Variants in FLT1 observed in about 807,000 individuals in gnomAD.
FLT1 encodes the protein fms related receptor tyrosine kinase 1, also known as vascular endothelial growth factor receptor 1.
FLT1 carries 49 observed loss-of-function variants against 156.3 expected under a neutral mutation model. The ratio of observed to expected loss-of-function variants is 0.31; its 90% confidence interval spans 0.25 to 0.40. FLT1 has a LOEUF of 0.40. FLT1 is among the 10% of genes least tolerant of loss of function. The pLI is 1.00. For synonymous variants in FLT1, 594 were observed against 583.8 expected, an observed-to-expected ratio of 1.02 and a Z score of -0.25; for missense variants, 1,322 against 1,637.2, an observed-to-expected ratio of 0.81 and a Z score of 3.32.
At chr13:28,321,698 G>T in intron 22 of FLT1, 113 bp from the exon 23 acceptor site, 15 of 1,063,948 alleles carry the variant, frequency 1.4e-5, no homozygotes, top group Non-Finnish European at 2.2e-5. Flanking sequence ...TGCTGTGAAG[G>T]GAGCACCTCT....
intron 12 of FLT1, among the ~76,000 whole-genome samples, chr13:28,393,219 T>C (rs1318565286): frequency 2.6e-5 from 4 of 152,170 alleles, no homozygotes; most frequent in African/African-American, 9.7e-5. Flanking sequence ...AGAAGAGGCA[T>C]TCAACCCAGG....
At chr13:28,458,141 C>T (rs1456544733) in intron 3 of FLT1, among the ~76,000 whole-genome samples, 2 of 151,836 alleles carry the variant, frequency 1.3e-5, no homozygotes, top group African/African-American at 4.8e-5. Flanking sequence ...TTCACCATGT[C>T]CGTCAGGCTG....
intron 16 of FLT1, among the ~76,000 whole-genome samples, chr13:28,343,645 CT>C (rs562106493): frequency 0.02 from 2,941 of 143,510 alleles, 53 homozygotes; most frequent in African/African-American, 0.045. Context: ...TTTTTTCTTT[CT>C]TTTTTTTTTT....
chr13:28,465,613 C>A (rs1879805829), intron 3 of FLT1, among the ~76,000 whole-genome samples: 2 of 152,170 alleles, frequency 1.3e-5, no homozygotes, highest in African/African-American at 4.8e-5. Flanking sequence ...GAGGCCGAGG[C>A]AGGTGGATCA....
chr13:28,425,698 T>C (rs1353505731), intron 10 of FLT1, among the ~76,000 whole-genome samples: 1 of 152,182 alleles, frequency 6.6e-6, no homozygotes, highest in Non-Finnish European at 1.5e-5. Context: ...ACTCTACACT[T>C]TTATCCGAAT....
chr13:28,390,191 C>T, intron 12 of FLT1, 87 bp from the exon 13 acceptor site: 3 of 1,536,624 alleles, frequency 2.0e-6, no homozygotes, highest in Non-Finnish European at 2.7e-6. Context: ...ATTGTTCGTG[C>T]ACAAATTATC....
In FLT1 at chr13:28,316,616, C is replaced by T. The variant is rs1196465153; in HGVS notation, c.3386+882G>A. On this transcript the variant is annotated intron_variant, in intron 25 of 29. Coordinates refer to ENST00000282397, the MANE Select transcript of FLT1 (RefSeq NM_002019.4). The stretch of plus-strand genomic sequence containing the variant: ...CTGACCAGGCAGCTTCAGACAGCTG[C>T]TGGGCCTATTCCTAAAAGGTTCTTT... 3.3e-5 allele frequency among the ~76,000 whole-genome samples: 5 copies of T among 151,676 alleles called. 1 individual carries two copies. Among genetic ancestry groups the T allele is most frequent in the Admixed American group, 1.3e-4 (2 of 15,236 alleles).
At position 28,486,675 on chromosome 13, in the gene FLT1, C is replaced by A. The variant is rs373819123; in HGVS notation, c.64+8105G>T. Among the ~76,000 whole-genome samples the A allele has an allele frequency of 2.6e-5, 4 of 152,352 alleles. No homozygotes were observed. The East Asian group carries it at 5.8e-4, about 22-fold the overall frequency. Reference sequence around the variant, plus strand: ...TACCTCACTCGGCAAAACAGTCCCCCTCTCCTCAGAAGGCAATTTAATCTA... The same window carrying A: ...TACCTCACTCGGCAAAACAGTCCCCATCTCCTCAGAAGGCAATTTAATCTA... On this transcript the variant is annotated intron_variant, in intron 1 of 29. Transcript: ENST00000282397.
chr13:28,467,563 T>C lies in FLT1; in HGVS notation c.119A>G (p.Gln40Arg), dbSNP rs1331970004. The C allele has an allele frequency of 6.2e-7, 1 of 1,611,714 alleles. No homozygotes were observed. The highest frequency in any genetic ancestry group is 2.2e-5 in the East Asian group (1 of 44,880). ...TGTCTGGCCTGCTTGCATGATGTGC[T>C]GGGTGCCTTTTAAACTCAGTTCAGG... Reference protein sequence around the residue: ...KDPELSLKGTQHIMQAGQTLH... With the variant: ...KDPELSLKGTRHIMQAGQTLH... Residue 40 changes from glutamine to arginine, a missense_variant, in exon 2 of 30, where the codon CAG becomes CGG. This residue lies in a region of FLT1 where 991 missense variants were observed against 1,254.8 expected (regional missense o/e 0.79). Transcript: ENST00000282397.
intron 12 of FLT1, 96 bp from the exon 13 acceptor site, chr13:28,390,200 T>G: frequency 6.6e-7 from 1 of 1,515,330 alleles, no homozygotes; most frequent in Non-Finnish European, 9.0e-7. Flanking sequence ...GCACAAATTA[T>G]CTCAGTATCC....
At chr13:28,323,866 G>T (rs1871573285) in intron 20 of FLT1, among the ~76,000 whole-genome samples, 1 of 152,094 alleles carries the variant, frequency 6.6e-6, no homozygotes, top group Non-Finnish European at 1.5e-5. Context: ...TTTGGGGAAG[G>T]AGGGAACATG....
At chr13:28,305,486 C>G (rs1870705616) in intron 29 of FLT1, among the ~76,000 whole-genome samples, 1 of 152,204 alleles carries the variant, frequency 6.6e-6, no homozygotes. Flanking sequence ...GAGACTACTG[C>G]ATGAGCCACC....
In FLT1 at chr13:28,311,951, G is replaced by A. The variant is rs61763563; in HGVS notation, c.3492+42C>T. On this transcript the variant is annotated intron_variant, in intron 26 of 29. Coordinates refer to ENST00000282397, the MANE Select transcript of FLT1 (RefSeq NM_002019.4). ...AAAACAAATAAAATGCCCCCCTGAC[G>A]TACATTCAAAGGCATTTTGATGTAA... 4.8e-4 allele frequency: 647 copies of A among 1,342,612 alleles called. 2 individuals are homozygous for A. In the African/African-American group the frequency reaches 8.1e-3, roughly 17 times the overall value. 83.2% of individuals were successfully genotyped at this position (1,342,612 alleles called of 1,614,324 possible).
chr13:28,303,378 G>T lies in FLT1; in HGVS notation c.3816-10C>A, dbSNP rs756178745. ...ACTGGTTACTCTCAAGCTAAAGAAA[G>T]AAAGGAAAGAAATCAAATATTCAAA... On this transcript the variant is annotated splice_polypyrimidine_tract_variant and intron_variant, in intron 29 of 29. Coordinates refer to ENST00000282397, the MANE Select transcript of FLT1 (RefSeq NM_002019.4). 1 of 1,611,366 alleles carries T rather than the reference G, an allele frequency of 6.2e-7. No individual in the cohort carries two copies. The highest frequency in any genetic ancestry group is 1.7e-5 in the Admixed American group (1 of 59,930).
intron 15 of FLT1, among the ~76,000 whole-genome samples, chr13:28,351,910 A>G (rs1312690707): frequency 6.6e-6 from 1 of 152,226 alleles, no homozygotes; most frequent in Non-Finnish European, 1.5e-5. Flanking sequence ...CAAAATTTTT[A>G]TTATATGCCA....
Position 28,469,983 on chromosome 13 carries a change from A to T in FLT1, c.65-2366T>A, listed in dbSNP as rs553958341. ...TTGCCAGGCTGGTCTTGAACTCCTGACCTCAGGTGATCCACCTGCCTCGGC... is the reference window on the plus strand; with the variant it reads ...TTGCCAGGCTGGTCTTGAACTCCTGTCCTCAGGTGATCCACCTGCCTCGGC... On this transcript the variant is annotated intron_variant, in intron 1 of 29. Transcript: ENST00000282397. Among the ~76,000 whole-genome samples, 6 of 152,214 alleles carry T rather than the reference A, an allele frequency of 3.9e-5. No homozygotes were observed. In the South Asian group the frequency reaches 1.2e-3, roughly 32 times the overall value.
rs2137540717 is a variant in FLT1, at chr13:28,427,926, G to A, written c.1107-5C>T. The A allele has an allele frequency of 6.2e-7, 1 of 1,612,996 alleles. No individual in the cohort carries two copies. Among genetic ancestry groups the A allele is most frequent in the Non-Finnish European group, 8.5e-7 (1 of 1,179,170 alleles). Reference sequence around the variant, plus strand: ...GCAGGTAACCCATCTTTTAACCTGTGGTTAAAAACATGATCAGTAAGTCAT... The same window carrying A: ...GCAGGTAACCCATCTTTTAACCTGTAGTTAAAAACATGATCAGTAAGTCAT... On this transcript the variant is annotated splice_polypyrimidine_tract_variant and splice_region_variant and intron_variant, in intron 8 of 29. Coordinates refer to ENST00000282397, the MANE Select transcript of FLT1 (RefSeq NM_002019.4).
At chr13:28,438,927 AGGCC>A (rs1302880424) in intron 3 of FLT1, among the ~76,000 whole-genome samples, 3 of 152,362 alleles carry the variant, frequency 2.0e-5, no homozygotes, top group East Asian at 3.9e-4. Flanking sequence ...GGAGGCGGAC[AGGCC>A]GGAGAAGCTG....
chr13:28,406,544 A>G (rs1287729673), intron 10 of FLT1, among the ~76,000 whole-genome samples: 1 of 152,066 alleles, frequency 6.6e-6, no homozygotes, highest in Non-Finnish European at 1.5e-5. Flanking sequence ...CTGGACTAGA[A>G]TTTTTTTGAG....
Sources: allele counts gnomAD v4.1 joint callset (sites outside exome capture counted in the v4.1 genomes callset), GRCh38; gene constraint gnomAD v4.1.1; regional missense constraint gnomAD v4.1.1; transcripts MANE v1.5; gene names NCBI Gene and HGNC (gene_info 2026-07-23, HGNC 2026-07-21).